CADPS2: variants seen among roughly 807,000 people sequenced by gnomAD.
CADPS2 encodes calcium-dependent secretion activator 2.
Under a neutral mutation model 172.5 loss-of-function variants are expected in CADPS2, and 93 were observed. The observed-to-expected ratio is 0.54, with a 90% CI of 0.46 to 0.64. The LOEUF is 0.64. Among genes scored for constraint, CADPS2 ranks in the 30% least tolerant of loss-of-function variants. The probability of loss-of-function intolerance (pLI) is 0.00; values close to 1 mark genes in which losing one functional copy is unlikely to be tolerated. For missense variants in CADPS2, 1,420 were observed against 1,565.9 expected (o/e 0.91, Z 1.57); for synonymous variants, 546 against 555.2 (o/e 0.98, Z 0.23).
At chr7:122,880,105 C>T (rs891907853) in intron 1 of CADPS2, among the ~76,000 whole-genome samples, 1 of 152,126 alleles carries the variant, frequency 6.6e-6, no homozygotes, top group African/African-American at 2.4e-5. Flanking sequence ...ACAGTTTGCC[C>T]ACTAACGGTT....
intron 2 of CADPS2, chr7:122,676,498 A>G (rs952727167): frequency 2.4e-6 from 1 of 417,960 alleles, no homozygotes; most frequent in Non-Finnish European, 4.2e-6. Flanking sequence ...CTGTATCTCG[A>G]CTGCTCACTA....
At chr7:122,607,606 G>A (rs780131637) in intron 6 of CADPS2, among the ~76,000 whole-genome samples, 35 of 152,102 alleles carry the variant, frequency 2.3e-4, no homozygotes, top group Non-Finnish European at 3.8e-4. Context: ...TGGAGCTCAT[G>A]AATGCTCTTC....
chr7:122,521,249 G>A (rs978122267), intron 8 of CADPS2, among the ~76,000 whole-genome samples: 1 of 151,946 alleles, frequency 6.6e-6, no homozygotes, highest in African/African-American at 2.4e-5. Context: ...AATGATTTTC[G>A]GTTCATTCTC....
intron 27 of CADPS2, among the ~76,000 whole-genome samples, chr7:122,351,447 T>A (rs1411785786): frequency 6.6e-6 from 1 of 150,514 alleles, no homozygotes; most frequent in East Asian, 1.9e-4. Context: ...GTTAACTTTT[T>A]TTTTTGTTAA....
chr7:122,375,357 T>A (rs182515555), intron 25 of CADPS2, among the ~76,000 whole-genome samples: 67 of 152,198 alleles, frequency 4.4e-4, no homozygotes, highest in Admixed American at 1.6e-3. Context: ...TTAAGTAAAC[T>A]TTTTAATGTA....
At chr7:122,794,999 T>C (rs1344725538) in intron 1 of CADPS2, among the ~76,000 whole-genome samples, 1 of 152,048 alleles carries the variant, frequency 6.6e-6, no homozygotes, top group Non-Finnish European at 1.5e-5. Flanking sequence ...TAGCGCTAAA[T>C]GCCCACATCA....
chr7:122,764,475 A>G (rs1255962439), intron 1 of CADPS2, among the ~76,000 whole-genome samples: 1 of 152,166 alleles, frequency 6.6e-6, no homozygotes, highest in African/African-American at 2.4e-5. Context: ...ATATAATCCT[A>G]AAGAAAACAA....
intron 17 of CADPS2, among the ~76,000 whole-genome samples, chr7:122,428,999 A>G (rs921039794): frequency 3.9e-5 from 6 of 152,140 alleles, no homozygotes; most frequent in Non-Finnish European, 7.4e-5. Context: ...TGAGAAAACA[A>G]ATGAATAAAG....
chr7:122,851,112 C>G (rs1813457132), intron 1 of CADPS2, among the ~76,000 whole-genome samples: 1 of 152,122 alleles, frequency 6.6e-6, no homozygotes, highest in Non-Finnish European at 1.5e-5. Context: ...TTTGGGTTGC[C>G]AAGAAGCAAA....
At chr7:122,803,974 GAAAAAAAA>G (rs869246600) in intron 1 of CADPS2, among the ~76,000 whole-genome samples, 1 of 85,122 alleles carries the variant, frequency 1.2e-5, no homozygotes, top group African/African-American at 4.3e-5. Flanking sequence ...GGCTTGAATG[GAAAAAAAA>G]AAAAAAAAAA....
intron 6 of CADPS2, among the ~76,000 whole-genome samples, chr7:122,585,912 A>G (rs2069602059): frequency 6.6e-6 from 1 of 152,004 alleles, no homozygotes; most frequent in African/African-American, 2.4e-5. Flanking sequence ...CTTTTAACCT[A>G]GTAAGGTTAT....
At chr7:122,354,425 C>T (rs185202042) in intron 27 of CADPS2, 1 of 152,110 alleles carries the variant, frequency 6.6e-6, no homozygotes, top group Admixed American at 6.6e-5. Flanking sequence ...CTGTAAGTAA[C>T]CCCCCTGTTA....
intron 2 of CADPS2, among the ~76,000 whole-genome samples, chr7:122,714,714 G>A (rs912329112): frequency 4.6e-5 from 7 of 152,044 alleles, no homozygotes; most frequent in African/African-American, 9.7e-5. Flanking sequence ...AAGGTGTTTC[G>A]TATAGTGTTC....
intron 1 of CADPS2, among the ~76,000 whole-genome samples, chr7:122,865,064 C>T (rs941991585): frequency 2.0e-5 from 3 of 152,094 alleles, no homozygotes; most frequent in African/African-American, 7.2e-5. Context: ...ATGATTAATG[C>T]CCTCCCTGTG....
At chr7:122,718,710 A>G (rs1434718368) in intron 2 of CADPS2, among the ~76,000 whole-genome samples, 1 of 152,122 alleles carries the variant, frequency 6.6e-6, no homozygotes, top group Non-Finnish European at 1.5e-5. Context: ...ACAACACTTA[A>G]AGAAAGAACC....
intron 7 of CADPS2, 38 bp from the exon 8 acceptor site, chr7:122,554,727 A>G (rs1314848696): frequency 6.5e-7 from 1 of 1,546,086 alleles, no homozygotes; most frequent in Non-Finnish European, 8.7e-7. Flanking sequence ...AACGCATGAT[A>G]CGGAGTGTCT....
chr7:122,357,934 G>C (rs1179542547), intron 27 of CADPS2, among the ~76,000 whole-genome samples: 1 of 152,112 alleles, frequency 6.6e-6, no homozygotes, highest in African/African-American at 2.4e-5. Context: ...AAGTTGTTAT[G>C]AACATTTGTG....
intron 1 of CADPS2, among the ~76,000 whole-genome samples, chr7:122,737,869 C>T (rs770366673): frequency 3.3e-5 from 5 of 152,186 alleles, no homozygotes; most frequent in African/African-American, 9.6e-5. Flanking sequence ...AAAGACAGAA[C>T]GTACCCTAAG....
At chr7:122,368,181 G>A (rs892551894) in intron 25 of CADPS2, 4 of 152,142 alleles carry the variant, frequency 2.6e-5, no homozygotes, top group Non-Finnish European at 5.9e-5. Flanking sequence ...ACCCAGCCTT[G>A]GCATTTTCAT....
Sources: gnomAD v4.1 joint callset for allele counts (sites outside exome capture counted in the v4.1 genomes callset) on GRCh38, gnomAD v4.1.1 for gene constraint, MANE v1.5 for transcripts, NCBI Gene and HGNC (gene_info 2026-07-23, HGNC 2026-07-21) for gene names.